The following KCNQ5 variants were observed in gnomAD, a reference collection of about 807,000 sequenced individuals.
KCNQ5 encodes the protein potassium voltage-gated channel subfamily Q member 5, also known as potassium voltage-gated channel subfamily KQT member 5.
KCNQ5 carries 30 observed loss-of-function variants against 98.2 expected under a neutral mutation model. That is an observed-to-expected ratio of 0.31 (90% CI 0.23 to 0.41). The LOEUF (loss-of-function observed/expected upper bound fraction) is 0.41. Ranked by LOEUF, KCNQ5 falls within the 10% of genes least tolerant of loss-of-function variation. The pLI is 1.00. For synonymous variants in KCNQ5, 458 were observed against 449.4 expected (o/e 1.02, Z -0.24); for missense variants, 835 against 1,182.5 (o/e 0.71, Z 4.31).
Position 73,105,581 on chromosome 6 carries a change from G to A in KCNQ5, c.1029+214G>A, listed in dbSNP as rs73753245. ...CACTTAATCTGAGACTTTATTTAAT[G>A]TAGGCTCATACTTTGTGACCAAATA... On this transcript the variant is annotated intron_variant, in intron 6 of 13. Coordinates refer to ENST00000370398, the MANE Select transcript of KCNQ5 (RefSeq NM_019842.4). 7.5e-3 allele frequency among the ~76,000 whole-genome samples: 1,146 copies of A among 152,252 alleles called. 18 individuals are homozygous for A. Among genetic ancestry groups the A allele is most frequent in the African/African-American group, 0.025 (1,038 of 41,542 alleles).
At chr6:73,172,385 A>ATAAAG (rs1329811256) in intron 11 of KCNQ5, among the ~76,000 whole-genome samples, 1 of 152,236 alleles carries the variant, frequency 6.6e-6, no homozygotes, top group Non-Finnish European at 1.5e-5. Context: ...AAAAATAAAG[A>ATAAAG]GAATACAATT....
At chr6:73,056,638 G>C (rs1410449878) in intron 3 of KCNQ5, among the ~76,000 whole-genome samples, 2 of 152,028 alleles carry the variant, frequency 1.3e-5, no homozygotes, top group Non-Finnish European at 2.9e-5. Flanking sequence ...CTCCAAGTGT[G>C]TTTTTCACTG....
At chr6:72,691,361 G>A (rs1459297396) in intron 1 of KCNQ5, among the ~76,000 whole-genome samples, 1 of 152,194 alleles carries the variant, frequency 6.6e-6, no homozygotes, top group Non-Finnish European at 1.5e-5. Flanking sequence ...AAATGAAAGA[G>A]GGTCTTACAT....
intron 1 of KCNQ5, chr6:72,987,667 G>C (rs1482219929): frequency 1.6e-6 from 1 of 609,946 alleles, no homozygotes; most frequent in African/African-American, 1.9e-5. Flanking sequence ...CAGCCGCGGA[G>C]CCCGTCTCTG....
In KCNQ5 at chr6:72,843,181, A is replaced by C. The variant is rs186098485; in HGVS notation, c.399-160727A>C. Reference sequence around the variant, plus strand: ...TGTATAAGGTTTAAGGAAGGGGTTCAGTTTCAGTTTTCTGCATATGGCTAG... The same window carrying C: ...TGTATAAGGTTTAAGGAAGGGGTTCCGTTTCAGTTTTCTGCATATGGCTAG... On this transcript the variant is annotated intron_variant, in intron 1 of 13. Transcript: ENST00000370398. Among the ~76,000 whole-genome samples, 1,056 of 152,334 alleles carry C rather than the reference A, an allele frequency of 6.9e-3. 6 individuals carry two copies. Among genetic ancestry groups the C allele is most frequent in the Non-Finnish European group, 0.01 (703 of 68,028 alleles).
chr6:72,852,701 T>C (rs1157043011), intron 1 of KCNQ5, among the ~76,000 whole-genome samples: 2 of 110,440 alleles, frequency 1.8e-5, no homozygotes, highest in Non-Finnish European at 3.9e-5. Context: ...TTTATATGTA[T>C]ACTTTACCTC....
chr6:73,028,101 C>T (rs1770971820), intron 2 of KCNQ5, among the ~76,000 whole-genome samples: 1 of 152,166 alleles, frequency 6.6e-6, no homozygotes, highest in Non-Finnish European at 1.5e-5. Context: ...ACTGTACTTT[C>T]AGTGACTTTA....
In KCNQ5 at chr6:73,058,852, A is replaced by G. The variant is rs1772647511; in HGVS notation, c.616+16790A>G. 3.3e-5 allele frequency among the ~76,000 whole-genome samples: 5 copies of G among 152,224 alleles called. 1 individual carries two copies. In the South Asian group the frequency reaches 1.0e-3, roughly 31 times the overall value. On this transcript the variant is annotated intron_variant, in intron 3 of 13. Transcript: ENST00000370398. ...AATCTTTAGAGAAATGCAAATCAAA[A>G]CCACAATAAGATACCATCTCACAAA... is the stretch of plus-strand genomic sequence containing the variant.
intron 10 of KCNQ5, 146 bp downstream of exon 10, chr6:73,133,787 T>C: frequency 1.2e-6 from 1 of 826,648 alleles, no homozygotes; most frequent in South Asian, 1.6e-5. Context: ...ATTGGAAGTT[T>C]ATTCATTGCC....
At chr6:72,649,968 G>A (rs1358645653) in intron 1 of KCNQ5, among the ~76,000 whole-genome samples, 1 of 152,064 alleles carries the variant, frequency 6.6e-6, no homozygotes, top group Non-Finnish European at 1.5e-5. Flanking sequence ...GTCTCTCATT[G>A]CAAGTGCTAT....
chr6:73,174,349 T>C (rs1378799416), intron 11 of KCNQ5, among the ~76,000 whole-genome samples: 1 of 152,186 alleles, frequency 6.6e-6, no homozygotes, highest in Non-Finnish European at 1.5e-5. Flanking sequence ...CCTGTTCTTT[T>C]TGTGAATATC....
At chr6:73,187,404 A>G (rs544095784) in intron 11 of KCNQ5, among the ~76,000 whole-genome samples, 3 of 151,750 alleles carry the variant, frequency 2.0e-5, no homozygotes, top group Non-Finnish European at 4.4e-5. Flanking sequence ...TTGGGAGTCA[A>G]TGCAAGGTTG....
intron 9 of KCNQ5, among the ~76,000 whole-genome samples, chr6:73,129,298 T>C (rs752077090): frequency 3.7e-5 from 5 of 133,892 alleles, no homozygotes; most frequent in Non-Finnish European, 7.9e-5. Flanking sequence ...CAATCTAGAA[T>C]CTTTTCTTCT....
At chr6:73,039,378 C>T (rs1259514761) in intron 2 of KCNQ5, among the ~76,000 whole-genome samples, 1 of 151,172 alleles carries the variant, frequency 6.6e-6, no homozygotes, top group African/African-American at 2.4e-5. Flanking sequence ...TTTATTTTAC[C>T]CTTCTTTTTC....
At chr6:72,912,854 T>C (rs543244930) in intron 1 of KCNQ5, among the ~76,000 whole-genome samples, 1 of 152,328 alleles carries the variant, frequency 6.6e-6, no homozygotes, top group East Asian at 1.9e-4. Flanking sequence ...TCTATATTAT[T>C]ACTTGGAAGA....
chr6:72,832,772 C>G (rs989173628), intron 1 of KCNQ5, among the ~76,000 whole-genome samples: 10 of 152,164 alleles, frequency 6.6e-5, no homozygotes, highest in African/African-American at 2.4e-4. Context: ...TTTATAAAAC[C>G]AAGCAAACAC....
At chr6:72,873,018 A>G (rs1778275719) in intron 1 of KCNQ5, among the ~76,000 whole-genome samples, 1 of 152,146 alleles carries the variant, frequency 6.6e-6, no homozygotes, top group Non-Finnish European at 1.5e-5. Flanking sequence ...GAGAGTGCTC[A>G]CATTTTTGTA....
intron 1 of KCNQ5, among the ~76,000 whole-genome samples, chr6:72,844,821 GATTATTCT>G (rs1307953342): frequency 6.6e-6 from 1 of 152,154 alleles, no homozygotes; most frequent in Non-Finnish European, 1.5e-5. Context: ...AATATAAACG[GATTATTCT>G]GTGCCTGCTC....
intron 1 of KCNQ5, among the ~76,000 whole-genome samples, chr6:72,940,162 C>T (rs964740796): frequency 5.3e-5 from 8 of 152,090 alleles, no homozygotes; most frequent in African/African-American, 1.9e-4. Flanking sequence ...AAAATTCAGC[C>T]CTTTATTTCC....
Sources: gnomAD v4.1 joint callset for allele counts (sites outside exome capture counted in the v4.1 genomes callset) on GRCh38, gnomAD v4.1.1 for gene constraint, MANE v1.5 for transcripts, NCBI Gene and HGNC (gene_info 2026-07-23, HGNC 2026-07-21) for gene names.